KCNJ6: variants seen among roughly 807,000 people sequenced by gnomAD.
KCNJ6 encodes G protein-activated inward rectifier potassium channel 2.
In KCNJ6, 9 loss-of-function variants were observed where a neutral mutation model predicts 34.2. The observed-to-expected ratio is 0.26, with a 90% CI of 0.16 to 0.46. KCNJ6 has a LOEUF of 0.46. Ranked by LOEUF, KCNJ6 falls within the 20% of genes least tolerant of loss-of-function variation. KCNJ6 has a pLI of 1.00. For missense variants in KCNJ6, 236 were observed against 531.3 expected (o/e 0.44, Z 5.46); for synonymous variants, 196 against 207.1 (o/e 0.95, Z 0.46).
intron 1 of KCNJ6, among the ~76,000 whole-genome samples, chr21:37,866,537 C>A (rs962114775): frequency 6.6e-6 from 1 of 152,166 alleles, no homozygotes; most frequent in African/African-American, 2.4e-5. Flanking sequence ...ACAGACCTGG[C>A]CGGAGCTGGA....
At chr21:37,907,792 ACTC>A (rs1209389655) in intron 1 of KCNJ6, among the ~76,000 whole-genome samples, 2 of 151,846 alleles carry the variant, frequency 1.3e-5, no homozygotes, top group African/African-American at 4.8e-5. Context: ...CAGGGAAAAC[ACTC>A]CTAATTCTTT....
Position 37,616,191 on chromosome 21 carries a change from G to A in KCNJ6, c.*8968C>T, listed in dbSNP as rs557304656. On this transcript the variant is annotated 3_prime_UTR_variant, in exon 4 of 4. Coordinates refer to ENST00000609713, the MANE Select transcript of KCNJ6 (RefSeq NM_002240.5). ...TACCATGGCAGCCAAGCACATCCTC[G>A]GTAACCAGGCACCCACAAGTGCTGG... is the stretch of plus-strand genomic sequence containing the variant. 1.3e-5 allele frequency: 2 copies of A among 152,322 alleles called. No individual in the cohort carries two copies. The highest frequency in any genetic ancestry group is 2.1e-4 in the South Asian group (1 of 4,812). The allele number at this position is 152,322 out of a possible 1,614,324, so 9.4% of individuals were successfully genotyped here.
intron 1 of KCNJ6, among the ~76,000 whole-genome samples, chr21:37,845,491 T>G (rs895381882): frequency 2.0e-5 from 3 of 152,336 alleles, no homozygotes; most frequent in African/African-American, 7.2e-5. Flanking sequence ...ACTCATTAAC[T>G]AATCTTGGAA....
At chr21:37,639,167 G>C (rs1320524448) in intron 3 of KCNJ6, among the ~76,000 whole-genome samples, 1 of 152,146 alleles carries the variant, frequency 6.6e-6, no homozygotes, top group African/African-American at 2.4e-5. Flanking sequence ...ACCAAGCAAA[G>C]ATTATTTGTC....
At chr21:37,647,112 A>AG (rs1390663341) in intron 3 of KCNJ6, among the ~76,000 whole-genome samples, 1 of 152,230 alleles carries the variant, frequency 6.6e-6, no homozygotes, top group East Asian at 1.9e-4. Context: ...TATTAAATGA[A>AG]GTAATACATG....
chr21:37,737,318 C>G (rs62221659), intron 2 of KCNJ6, among the ~76,000 whole-genome samples: 63,963 of 152,016 alleles, frequency 0.42, 13,856 homozygotes, highest in South Asian at 0.6. Flanking sequence ...TTAACCTGAA[C>G]TACTTGGTGG....
chr21:37,864,310 C>T (rs923084382), intron 1 of KCNJ6, among the ~76,000 whole-genome samples: 3 of 151,984 alleles, frequency 2.0e-5, no homozygotes, highest in Admixed American at 6.6e-5. Flanking sequence ...GGAGGTTTCA[C>T]GTGTTGGCCA....
intron 3 of KCNJ6, among the ~76,000 whole-genome samples, chr21:37,648,073 G>C (rs960460594): frequency 1.3e-5 from 2 of 152,208 alleles, no homozygotes; most frequent in Admixed American, 1.3e-4. Flanking sequence ...CCAGGAGTGA[G>C]CTGGGCTGCT....
chr21:37,774,434 G>T (rs923836203), intron 2 of KCNJ6, among the ~76,000 whole-genome samples: 12 of 151,852 alleles, frequency 7.9e-5, no homozygotes, highest in Non-Finnish European at 1.5e-4. Flanking sequence ...GTGCCATGTT[G>T]GTGCGCTGCA....
intron 1 of KCNJ6, among the ~76,000 whole-genome samples, chr21:37,882,820 C>T (rs2055716141): frequency 6.6e-6 from 1 of 152,234 alleles, no homozygotes; most frequent in Non-Finnish European, 1.5e-5. Context: ...TGCAAACTGC[C>T]TTCATGCATG....
intron 2 of KCNJ6, among the ~76,000 whole-genome samples, chr21:37,799,820 T>G (rs949446821): frequency 6.6e-6 from 1 of 152,200 alleles, no homozygotes; most frequent in Non-Finnish European, 1.5e-5. Flanking sequence ...AAGCCCTAAT[T>G]TTGAGAGAGC....
At position 37,831,493 on chromosome 21, in the gene KCNJ6, A is replaced by T. The variant is rs1008137075; in HGVS notation, c.25+9165T>A. ...TAACAAAAGAGAGGCTGAATCCCTC[A>T]GTTACAAGTTGAGATGACAGGAGGC... On this transcript the variant is annotated intron_variant, in intron 2 of 3. Transcript: ENST00000609713. Among the ~76,000 whole-genome samples, 3 of 152,204 alleles carry T rather than the reference A, an allele frequency of 2.0e-5. 1 individual carries two copies. Among genetic ancestry groups the T allele is most frequent in the African/African-American group, 4.8e-5 (2 of 41,456 alleles).
intron 2 of KCNJ6, among the ~76,000 whole-genome samples, chr21:37,773,070 T>A (rs1568843289): frequency 6.6e-6 from 1 of 152,208 alleles, no homozygotes; most frequent in Non-Finnish European, 1.5e-5. Context: ...GCCTTCAGGG[T>A]GTCTGTATCA....
At chr21:37,693,407 C>T (rs140522973) in intron 3 of KCNJ6, among the ~76,000 whole-genome samples, 31 of 152,252 alleles carry the variant, frequency 2.0e-4, no homozygotes, top group Non-Finnish European at 3.8e-4. Flanking sequence ...GAATGAACCA[C>T]GGCGGATGAG....
chr21:37,799,373 G>A (rs1456378555), intron 2 of KCNJ6, among the ~76,000 whole-genome samples: 1 of 152,178 alleles, frequency 6.6e-6, no homozygotes, highest in East Asian at 1.9e-4. Context: ...CAGAAAGGGA[G>A]GATGAAAGGC....
intron 3 of KCNJ6, among the ~76,000 whole-genome samples, chr21:37,657,570 T>A (rs2835877): frequency 0.15 from 23,511 of 152,038 alleles, 2,919 homozygotes; most frequent in African/African-American, 0.34. Flanking sequence ...TTGACAGGGG[T>A]TCACTAGGAC....
rs560551445 is a variant in KCNJ6 at position 37,881,242 on chromosome 21, G to A, written c.-28+34642C>T. On this transcript the variant is annotated intron_variant, in intron 1 of 3. Transcript: ENST00000609713. ...CCGGGATTCTGATGTGGAGAAAGTTGTAGAAAGTAAATATATTTAGTCTGT... is the reference window on the plus strand; with the variant it reads ...CCGGGATTCTGATGTGGAGAAAGTTATAGAAAGTAAATATATTTAGTCTGT... Among the ~76,000 whole-genome samples the A allele has an allele frequency of 9.1e-4, 138 of 152,336 alleles. 1 individual carries two copies. The highest frequency in any genetic ancestry group is 1.7e-3 in the South Asian group (8 of 4,824).
chr21:37,914,045 G>C (rs1393688699), intron 1 of KCNJ6, among the ~76,000 whole-genome samples: 1 of 150,236 alleles, frequency 6.7e-6, no homozygotes, highest in Non-Finnish European at 1.5e-5. Context: ...GTGTGTGTGT[G>C]TGTGTCTGTG....
At chr21:37,857,606 C>T (rs184744553) in intron 1 of KCNJ6, among the ~76,000 whole-genome samples, 24 of 152,282 alleles carry the variant, frequency 1.6e-4, no homozygotes, top group Non-Finnish European at 2.1e-4. Context: ...TGACAAAGCC[C>T]GGAATTAGAC....
Sources: gnomAD v4.1 joint callset for allele counts (sites outside exome capture counted in the v4.1 genomes callset) on GRCh38, gnomAD v4.1.1 for gene constraint, MANE v1.5 for transcripts, NCBI Gene and HGNC (gene_info 2026-07-23, HGNC 2026-07-21) for gene names.